MBNL2: variants seen among roughly 807,000 people sequenced by gnomAD.
The protein encoded by MBNL2 is muscleblind like splicing regulator 2, also known as muscleblind-like protein 2.
A neutral mutation model predicts 41.9 loss-of-function variants in MBNL2; 17 were observed. That is an observed-to-expected ratio of 0.41 (90% CI 0.28 to 0.61). MBNL2 has a LOEUF of 0.61. MBNL2 is among the 20% of genes least tolerant of loss of function. The pLI, the probability that MBNL2 is intolerant of heterozygous loss-of-function variation, is 0.35. For synonymous variants in MBNL2, 195 were observed against 182.9 expected, an observed-to-expected ratio of 1.07 and a Z score of -0.53; for missense variants, 336 against 505.6, an observed-to-expected ratio of 0.66 and a Z score of 3.22.
chr13:97,301,987 T>C (rs2057671250), intron 2 of MBNL2, among the ~76,000 whole-genome samples: 1 of 152,302 alleles, frequency 6.6e-6, no homozygotes, highest in South Asian at 2.1e-4. Flanking sequence ...CTTCATGAGG[T>C]GACCATATTC....
chr13:97,206,330 A>G, the MBNL2 span, among the ~76,000 whole-genome samples: 1 of 151,924 alleles, frequency 6.6e-6, no homozygotes, highest in Non-Finnish European at 1.5e-5. Flanking sequence ...AGTCTACTAG[A>G]TAAGCATGTG....
chr13:97,287,120 T>C (rs1422998149), intron 2 of MBNL2, among the ~76,000 whole-genome samples: 1 of 152,232 alleles, frequency 6.6e-6, no homozygotes, highest in Non-Finnish European at 1.5e-5. Context: ...ACAGGCTTTG[T>C]ACAAAGAAGG....
intron 4 of MBNL2, among the ~76,000 whole-genome samples, chr13:97,344,690 C>G (rs768996841): frequency 2.6e-4 from 40 of 152,184 alleles, no homozygotes; most frequent in Admixed American, 2.6e-3. Context: ...ACTGAATAGA[C>G]CTTTCACAGG....
At chr13:97,173,922 G>C in the MBNL2 span, among the ~76,000 whole-genome samples, 4 of 152,034 alleles carry the variant, frequency 2.6e-5, no homozygotes, top group South Asian at 2.1e-4. Context: ...CATTTCCATG[G>C]AACTCCCTAA....
At chr13:97,240,916 T>A (rs557095214) in intron 1 of MBNL2, among the ~76,000 whole-genome samples, 1 of 152,270 alleles carries the variant, frequency 6.6e-6, no homozygotes, top group South Asian at 2.1e-4. Flanking sequence ...TCGGGCTGTT[T>A]TTAGGTTGTT....
chr13:97,374,063 A>ATTTTTTTCTTTTTTTTTTT (rs2064692874), intron 8 of MBNL2, among the ~76,000 whole-genome samples: 1 of 63,128 alleles, frequency 1.6e-5, no homozygotes, highest in African/African-American at 5.6e-5. Context: ...CCTCCTTTGC[A>ATTTTTTTCTTTTTTTTTTT]TTTTTTTTTT....
chr13:97,145,959 CTTTT>C, the MBNL2 span, among the ~76,000 whole-genome samples: 1 of 30,384 alleles, frequency 3.3e-5, no homozygotes, highest in African/African-American at 1.7e-4. Context: ...GGGTTCTACT[CTTTT>C]CTTTTCTTTT....
At chr13:97,361,127 AT>A (rs2063358001) in intron 7 of MBNL2, among the ~76,000 whole-genome samples, 1 of 152,198 alleles carries the variant, frequency 6.6e-6, no homozygotes, top group Admixed American at 6.5e-5. Context: ...TATACAGAGG[AT>A]GAAGGAGTAC....
At chr13:97,292,071 G>A (rs1439338724) in intron 2 of MBNL2, among the ~76,000 whole-genome samples, 4 of 148,394 alleles carry the variant, frequency 2.7e-5, no homozygotes, top group Non-Finnish European at 6.0e-5. Flanking sequence ...TGTGATGGCG[G>A]GCGCCTGTAG....
At chr13:97,385,497 C>A (rs1566455704) in intron 8 of MBNL2, among the ~76,000 whole-genome samples, 1 of 152,186 alleles carries the variant, frequency 6.6e-6, no homozygotes, top group Non-Finnish European at 1.5e-5. Flanking sequence ...TGATGACTTG[C>A]ATATATGGAA....
intron 1 of MBNL2, among the ~76,000 whole-genome samples, chr13:97,225,494 A>G (rs1474622053): frequency 6.6e-6 from 1 of 152,184 alleles, no homozygotes; most frequent in East Asian, 1.9e-4. Context: ...TGTTGAAAAC[A>G]TAGTTTTGGG....
chr13:97,294,142 C>T (rs190029388), intron 2 of MBNL2, among the ~76,000 whole-genome samples: 2 of 152,072 alleles, frequency 1.3e-5, no homozygotes, highest in East Asian at 3.9e-4. Context: ...TTGAATTAAT[C>T]TTGAAATCTT....
chr13:97,372,935 C>T (rs2064527075), intron 8 of MBNL2, among the ~76,000 whole-genome samples: 2 of 152,190 alleles, frequency 1.3e-5, no homozygotes, highest in Non-Finnish European at 2.9e-5. Flanking sequence ...AGGCATTAAA[C>T]ATTCCCCACT....
intron 7 of MBNL2, among the ~76,000 whole-genome samples, chr13:97,360,181 A>G (rs544344613): frequency 4.5e-4 from 68 of 152,266 alleles, no homozygotes; most frequent in Non-Finnish European, 8.4e-4. Context: ...AAACATAAAT[A>G]TGAAACAAAA....
At chr13:97,322,126 G>A (rs749558552) in intron 2 of MBNL2, among the ~76,000 whole-genome samples, 2 of 152,154 alleles carry the variant, frequency 1.3e-5, no homozygotes, top group Non-Finnish European at 2.9e-5. Context: ...ACTGTCAGAT[G>A]AGTAAAGGAG....
At chr13:97,178,824 G>A in the MBNL2 span, among the ~76,000 whole-genome samples, 1 of 152,162 alleles carries the variant, frequency 6.6e-6, no homozygotes, top group East Asian at 1.9e-4. Flanking sequence ...TTGAGCCCAG[G>A]AGGTCGAGGC....
In MBNL2 at chr13:97,250,662, C is replaced by T. The variant is rs1205008312; in HGVS notation, c.-604-24970C>T. ...GCTATTCATTTGTTTGCTTTTTATT[C>T]ATTCAATGATCTTGAAAGAAAAGAA... On this transcript the variant is annotated intron_variant, in intron 1 of 8. Transcript: ENST00000679496. Among the ~76,000 whole-genome samples the T allele has an allele frequency of 2.0e-5, 3 of 152,162 alleles. 1 individual carries two copies. Among genetic ancestry groups the T allele is most frequent in the African/African-American group, 7.2e-5 (3 of 41,536 alleles).
chr13:97,202,533 A>G, the MBNL2 span, among the ~76,000 whole-genome samples: 2 of 152,178 alleles, frequency 1.3e-5, no homozygotes, highest in East Asian at 3.8e-4. Flanking sequence ...AATTTTACCT[A>G]ATATGTAATG....
At chr13:97,270,925 T>C (rs2050816327) in intron 1 of MBNL2, among the ~76,000 whole-genome samples, 1 of 152,096 alleles carries the variant, frequency 6.6e-6, no homozygotes, top group African/African-American at 2.4e-5. Flanking sequence ...GTGCCTATGC[T>C]AACAGTAGCC....
Sources: gnomAD v4.1 joint callset for allele counts (sites outside exome capture counted in the v4.1 genomes callset) on GRCh38, gnomAD v4.1.1 for gene constraint, MANE v1.5 for transcripts, NCBI Gene and HGNC (gene_info 2026-07-23, HGNC 2026-07-21) for gene names.